The following ANO4 variants were observed in gnomAD, a reference collection of about 807,000 sequenced individuals.
The protein encoded by ANO4 is anoctamin-4.
In ANO4, 69 loss-of-function variants were observed where a neutral mutation model predicts 141.9. That is an observed-to-expected ratio of 0.49 (90% CI 0.40 to 0.59). The LOEUF (loss-of-function observed/expected upper bound fraction) is 0.59. Among genes scored for constraint, ANO4 ranks in the 20% least tolerant of loss-of-function variants. The pLI, the probability that ANO4 is intolerant of heterozygous loss-of-function variation, is 0.00. For synonymous variants in ANO4, 350 were observed against 394.3 expected, an observed-to-expected ratio of 0.89 and a Z score of 1.33; for missense variants, 894 against 1,162.2, an observed-to-expected ratio of 0.77 and a Z score of 3.36.
intron 5 of ANO4, among the ~76,000 whole-genome samples, chr12:100,954,126 C>G (rs2043083816): frequency 6.6e-6 from 1 of 152,188 alleles, no homozygotes; most frequent in African/African-American, 2.4e-5. Context: ...CTTTAAAATT[C>G]TTCCCTAGTA....
intron 1 of ANO4, among the ~76,000 whole-genome samples, chr12:100,899,439 G>A (rs1197412265): frequency 1.3e-5 from 2 of 152,314 alleles, no homozygotes; most frequent in African/African-American, 2.4e-5. Flanking sequence ...GTTGGAATGA[G>A]GGCAGTTAAA....
intron 5 of ANO4, among the ~76,000 whole-genome samples, chr12:100,958,293 CCT>C (rs2043261747): frequency 6.6e-6 from 1 of 152,172 alleles, no homozygotes; most frequent in Non-Finnish European, 1.5e-5. Flanking sequence ...TTTGCTTCGT[CCT>C]CTCTATAAAA....
At chr12:101,069,939 C>T (rs140358168) in intron 14 of ANO4, among the ~76,000 whole-genome samples, 36 of 151,788 alleles carry the variant, frequency 2.4e-4, no homozygotes, top group African/African-American at 8.0e-4. Flanking sequence ...GGAGAGGGGA[C>T]AGTGTATGTC....
At chr12:100,970,165 A>G (rs1042601881) in intron 5 of ANO4, among the ~76,000 whole-genome samples, 3 of 152,150 alleles carry the variant, frequency 2.0e-5, no homozygotes, top group African/African-American at 7.2e-5. Context: ...GGCTCCCTTC[A>G]TCTCCACCAC....
intron 1 of ANO4, among the ~76,000 whole-genome samples, chr12:100,817,666 G>A (rs1397589345): frequency 6.6e-6 from 1 of 151,816 alleles, no homozygotes; most frequent in African/African-American, 2.4e-5. Context: ...TTTTCATACT[G>A]TGAACTTTCT....
At chr12:100,952,018 G>T (rs1309564318) in intron 5 of ANO4, among the ~76,000 whole-genome samples, 1 of 152,044 alleles carries the variant, frequency 6.6e-6, no homozygotes, top group Non-Finnish European at 1.5e-5. Context: ...ATCATCCCTA[G>T]CTGAGAATCC....
intron 5 of ANO4, among the ~76,000 whole-genome samples, chr12:100,961,967 G>T (rs574696177): frequency 6.6e-6 from 1 of 152,252 alleles, no homozygotes; most frequent in South Asian, 2.1e-4. Context: ...CTTGACATGG[G>T]GATCACCAGG....
At chr12:101,082,935 T>C (rs1566223419) in intron 15 of ANO4, among the ~76,000 whole-genome samples, 1 of 152,010 alleles carries the variant, frequency 6.6e-6, no homozygotes, top group Non-Finnish European at 1.5e-5. Context: ...CCCTTGCTGA[T>C]TGCCTTTTCC....
At chr12:100,752,200 G>T (rs980052980) in intron 3 of ANO4, among the ~76,000 whole-genome samples, 1 of 152,012 alleles carries the variant, frequency 6.6e-6, no homozygotes, top group Non-Finnish European at 1.5e-5. Flanking sequence ...CATATTTCCT[G>T]TGCTGGGCTT....
chr12:100,829,566 G>A lies in ANO4; in HGVS notation c.-141+34539G>A, dbSNP rs149467926. Among the ~76,000 whole-genome samples, 246 of 152,082 alleles carry A rather than the reference G, an allele frequency of 1.6e-3. 2 individuals carry two copies. Among genetic ancestry groups the A allele is most frequent in the African/African-American group, 5.5e-3 (229 of 41,518 alleles). On this transcript the variant is annotated intron_variant, in intron 1 of 27. Transcript: ENST00000392977. The stretch of plus-strand genomic sequence containing the variant: ...TATGTAAATCACTAGTAGGAATTCT[G>A]TCATTAGAATTTTTAAAGTGTAAGT...
chr12:100,756,307 A>G (rs181595590), intron 3 of ANO4, among the ~76,000 whole-genome samples: 2 of 152,184 alleles, frequency 1.3e-5, no homozygotes, highest in African/African-American at 4.8e-5. Flanking sequence ...GTGAAGATTC[A>G]GGAAGAAATT....
intron 22 of ANO4, 108 bp downstream of exon 22, chr12:101,099,828 C>T (rs1202376941): frequency 1.1e-5 from 10 of 888,722 alleles, no homozygotes; most frequent in African/African-American, 1.7e-5. Flanking sequence ...CGTAGGGATT[C>T]CTAAGGCAAA....
At chr12:100,823,968 T>C (rs1241466660) in intron 1 of ANO4, among the ~76,000 whole-genome samples, 1 of 152,014 alleles carries the variant, frequency 6.6e-6, no homozygotes, top group Non-Finnish European at 1.5e-5. Flanking sequence ...CCAATAGGAG[T>C]AAAAATGCTA....
At chr12:101,031,667 G>GTA (rs751375941) in intron 9 of ANO4, among the ~76,000 whole-genome samples, 1 of 152,134 alleles carries the variant, frequency 6.6e-6, no homozygotes, top group Non-Finnish European at 1.5e-5. Context: ...TGACATGATT[G>GTA]TATATATAGA....
intron 2 of ANO4, among the ~76,000 whole-genome samples, chr12:100,908,817 C>T (rs1212869484): frequency 1.3e-5 from 2 of 152,148 alleles, no homozygotes; most frequent in African/African-American, 4.8e-5. Context: ...GGATTGGTTA[C>T]TAAGAACAAA....
rs542284626 is a variant in ANO4 at position 101,088,624 on chromosome 12, C to T, written c.1701+1800C>T. The stretch of plus-strand genomic sequence containing the variant: ...ATTGTTGTTGCTATTTTTTGTAGAA[C>T]AAAAGTAGTGCCTGACATGGTCGGC... On this transcript the variant is annotated intron_variant, in intron 17 of 27. Coordinates refer to ENST00000392977, the MANE Select transcript of ANO4 (RefSeq NM_001286615.2). Among the ~76,000 whole-genome samples, 36 of 151,886 alleles carry T rather than the reference C, an allele frequency of 2.4e-4. 1 individual carries two copies. The South Asian group carries it at 7.5e-3, about 32-fold the overall frequency.
intron 1 of ANO4, among the ~76,000 whole-genome samples, chr12:100,731,042 G>T (rs1463403911): frequency 6.6e-6 from 1 of 152,182 alleles, no homozygotes; most frequent in East Asian, 1.9e-4. Context: ...GTTCTTTCCT[G>T]CTAAGAACAT....
At chr12:100,987,334 A>G (rs2044751672) in intron 7 of ANO4, 2 of 609,304 alleles carry the variant, frequency 3.3e-6, no homozygotes, top group African/African-American at 1.8e-5. Context: ...AAACAGTAAT[A>G]ATATTGAGGC....
upstream of ANO4, among the ~76,000 whole-genome samples, chr12:100,790,679 C>A (rs1462174090): frequency 6.6e-6 from 1 of 151,494 alleles, no homozygotes; most frequent in African/African-American, 2.4e-5. Context: ...GGTCTGTGAT[C>A]TTATGGATTC....
Sources: gnomAD v4.1 joint callset for allele counts (sites outside exome capture counted in the v4.1 genomes callset) on GRCh38, gnomAD v4.1.1 for gene constraint, MANE v1.5 for transcripts, NCBI Gene and HGNC (gene_info 2026-07-23, HGNC 2026-07-21) for gene names.